Variants in TTC3 observed in about 807,000 individuals in gnomAD.
TTC3 encodes E3 ubiquitin-protein ligase TTC3.
Under a neutral mutation model 249.6 loss-of-function variants are expected in TTC3, and 180 were observed. The observed-to-expected ratio is 0.72, with a 90% confidence interval of 0.64 to 0.82. The LOEUF is 0.82. Ranked by LOEUF, TTC3 falls within the 40% of genes least tolerant of loss-of-function variation. TTC3 has a pLI of 0.00. For synonymous variants in TTC3, 717 were observed against 805.0 expected (o/e 0.89, Z 1.85); for missense variants, 2,061 against 2,398.4 (o/e 0.86, Z 2.94).
chr21:37,124,074 TA>T (rs34436589), intron 13 of TTC3, among the ~76,000 whole-genome samples: 9,960 of 148,506 alleles, frequency 0.067, 474 homozygotes, highest in Non-Finnish European at 0.1. Flanking sequence ...AGCTGATATT[TA>T]AATGTTAGAA....
rs774277323 is a variant in TTC3 at position 37,194,302 on chromosome 21, T to C, written c.5218-1373T>C. On this transcript the variant is annotated intron_variant, in intron 41 of 45. Transcript: ENST00000355666. ...CCAGAAATACATAATTCCTAAGTTT[T>C]AAATTGCACACTGTTTTGAGTAGCG... Among the ~76,000 whole-genome samples the C allele has an allele frequency of 2.0e-5, 3 of 152,192 alleles. No individual in the cohort carries two copies. The South Asian group carries it at 6.2e-4, about 31-fold the overall frequency.
chr21:37,104,876 T>C (rs1036065585), intron 10 of TTC3, among the ~76,000 whole-genome samples: 4 of 152,178 alleles, frequency 2.6e-5, no homozygotes, highest in African/African-American at 9.7e-5. Context: ...GCATTGGGCT[T>C]CTAGGAACTC....
rs192026807 is a variant in TTC3, at chr21:37,115,096, G to A, written c.900+6650G>A. Among the ~76,000 whole-genome samples, 59 of 151,762 alleles carry A rather than the reference G, an allele frequency of 3.9e-4. 1 individual carries two copies. Among genetic ancestry groups the A allele is most frequent in the Non-Finnish European group, 7.4e-4 (50 of 67,972 alleles). ...CTAATGCTAAATGACGAGTTAATGG[G>A]TGCAGCACAGCAACATGGCACATGT... On this transcript the variant is annotated intron_variant, in intron 11 of 45. Transcript: ENST00000355666.
chr21:37,088,195 G>A lies in TTC3; in HGVS notation c.188-1G>A, dbSNP rs969609355. 1 of 1,552,920 alleles carries A rather than the reference G, an allele frequency of 6.4e-7. No individual in the cohort carries two copies. ...AATTTTAAACTTTTTTTTTAATTAA[G>A]AATTTGACATCTGCAGTATATGGTG... On this transcript the variant is annotated splice_acceptor_variant, in intron 3 of 45. Coordinates refer to ENST00000355666, the Ensembl canonical transcript of TTC3. LOFTEE classifies it high-confidence loss of function.
In TTC3 at chr21:37,201,516, C is replaced by A. The variant is rs145673282; in HGVS notation, c.6020C>A (p.Pro2007His). ...CGTGATCTCCTGACAGAAGAGTCACCTTCTGGAAGAGGCTGGCCCAGTCAG... is the reference window on the plus strand; with the variant it reads ...CGTGATCTCCTGACAGAAGAGTCACATTCTGGAAGAGGCTGGCCCAGTCAG... The change falls in exon 46 of 46, where the codon CCT becomes CAT. Residue 2007 changes from proline to histidine, a missense_variant. By Grantham distance (77) the Pro-to-His change is moderately conservative (BLOSUM62 -2). Transcript: ENST00000355666. 1.1e-5 allele frequency: 17 copies of A among 1,613,998 alleles called. No individual in the cohort carries two copies. In the East Asian group the frequency reaches 3.8e-4, roughly 36 times the overall value.
At chr21:37,109,140 C>T (rs1845305371) in intron 11 of TTC3, among the ~76,000 whole-genome samples, 3 of 152,166 alleles carry the variant, frequency 2.0e-5, no homozygotes, top group African/African-American at 7.2e-5. Context: ...GTGAGCGACA[C>T]AGAAGACAGG....
chr21:37,130,451 A>G (rs2077380696), intron 16 of TTC3, among the ~76,000 whole-genome samples: 1 of 152,158 alleles, frequency 6.6e-6, no homozygotes, highest in Non-Finnish European at 1.5e-5. Context: ...ACACTCCTTT[A>G]TTAGGTAATA....
chr21:37,098,156 T>C lies in TTC3; in HGVS notation c.845+1513T>C, dbSNP rs143161585. The stretch of plus-strand genomic sequence containing the variant: ...TGACAAGAAATGAGCTGCACATGTC[T>C]TTAGGTTATTGCTACTGGCTAGGTC... On this transcript the variant is annotated intron_variant, in intron 10 of 45. Coordinates refer to ENST00000355666, the Ensembl canonical transcript of TTC3. 1.5e-4 allele frequency: 62 copies of C among 420,810 alleles called. 1 individual carries two copies. In the East Asian group the frequency reaches 2.1e-3, roughly 15 times the overall value. The allele number at this position is 420,810 out of a possible 1,614,324, so 26.1% of individuals were successfully genotyped here. A position where few individuals can be genotyped will look rare whatever the true frequency, so the allele number is the denominator to read the frequency against.
At chr21:37,182,054 C>T (rs1216494118) in intron 35 of TTC3, among the ~76,000 whole-genome samples, 6 of 152,080 alleles carry the variant, frequency 3.9e-5, no homozygotes, top group Non-Finnish European at 7.4e-5. Flanking sequence ...CTTTGATTCA[C>T]GTTTAAATTA....
At chr21:37,140,237 A>G (rs1245337441) in intron 19 of TTC3, among the ~76,000 whole-genome samples, 2 of 152,114 alleles carry the variant, frequency 1.3e-5, no homozygotes, top group Non-Finnish European at 2.9e-5. Flanking sequence ...AGCCTTTTTT[A>G]AAAAACAAAA....
chr21:37,101,924 A>ATG (rs1412921108), intron 10 of TTC3, among the ~76,000 whole-genome samples: 1 of 148,448 alleles, frequency 6.7e-6, no homozygotes, highest in East Asian at 1.9e-4. Flanking sequence ...TAGTTTATAT[A>ATG]TATATATTAG....
At position 37,195,563 on chromosome 21, in the gene TTC3, G is replaced by A. The variant is rs117819236; in HGVS notation, c.5218-112G>A. On this transcript the variant is annotated intron_variant, in intron 41 of 45. Coordinates refer to ENST00000355666, the Ensembl canonical transcript of TTC3. ...AATTCATGGTATTCAGGTTTCCTGTGCACGGAGCCTCTGCGCTGCGTTACT... is the reference window on the plus strand; with the variant it reads ...AATTCATGGTATTCAGGTTTCCTGTACACGGAGCCTCTGCGCTGCGTTACT... 11,011 of 1,416,316 alleles carry A rather than the reference G, an allele frequency of 7.8e-3. 60 individuals are homozygous for A. Among genetic ancestry groups the A allele is most frequent in the Admixed American group, 0.013 (554 of 42,578 alleles). The allele number at this position is 1,416,316 out of a possible 1,614,324, so 87.7% of individuals were successfully genotyped here.
At chr21:37,121,949 A>G (rs2076618530) in exon 12 of TTC3, 1 of 1,611,594 alleles carries the variant, frequency 6.2e-7, no homozygotes, top group Non-Finnish European at 8.5e-7. Context: ...GCAGCATGTA[A>G]AGTTACAAAA....
chr21:37,110,120 GA>G (rs2075513751), intron 11 of TTC3, among the ~76,000 whole-genome samples: 1 of 152,216 alleles, frequency 6.6e-6, no homozygotes. Context: ...AAACAGAGCA[GA>G]AAAACCTGAA....
chr21:37,164,853 A>G (rs1389567097), intron 32 of TTC3, among the ~76,000 whole-genome samples: 4 of 152,184 alleles, frequency 2.6e-5, no homozygotes, highest in Non-Finnish European at 5.9e-5. Context: ...ATAGAGTATT[A>G]ATTTAAAAGC....
At position 37,190,992 on chromosome 21, in the gene TTC3, T is replaced by TA. The variant is rs907550951; in HGVS notation, c.5025-336dup. 1.4e-4 allele frequency among the ~76,000 whole-genome samples: 22 copies of TA among 152,340 alleles called. No individual in the cohort carries two copies. The South Asian group carries it at 3.1e-3, about 22-fold the overall frequency. ...TTTTGAATGTTTCAGACTACCTTTT[T>TA]AAAAAATCTTTAAATGCAGACGCTG... On this transcript the variant is annotated intron_variant, in intron 39 of 45. Transcript: ENST00000355666.
rs746366685 is a variant in TTC3, at chr21:37,144,663, CAG to C, written c.1893+21_1893+22del. 2.3e-5 allele frequency: 37 copies of C among 1,601,340 alleles called. No homozygotes were observed. The highest frequency in any genetic ancestry group is 8.1e-5 in the African/African-American group (6 of 74,300). On this transcript the variant is annotated intron_variant, in intron 21 of 45. Coordinates refer to ENST00000355666, the Ensembl canonical transcript of TTC3. ...AAATAAAGGTAACCATTTATTTTTG[CAG>C]AGTGTTTCTTACTGTGAATGCTTAT...
chr21:37,165,734 G>T lies in TTC3; in HGVS notation c.3520G>T (p.Val1174Phe), dbSNP rs554984029. The T allele has an allele frequency of 1.1e-5, 17 of 1,613,394 alleles. No homozygotes were observed. The African/African-American group carries it at 2.0e-4, about 19-fold the overall frequency. The change falls in exon 33 of 46, where the codon GTT becomes TTT. Residue 1174 changes from valine to phenylalanine, a missense_variant. Val to Phe is a conservative substitution (Grantham distance 50). Around this residue, in one of 3 missense-constraint regions of TTC3, gnomAD observed 1,040 missense variants for 1,186.1 expected, o/e 0.88. Coordinates refer to ENST00000355666, the Ensembl canonical transcript of TTC3. ...TGACAACTGTATTGCACTGAAGAAG[G>T]TTGCATCACGGCTCAAGAAAAAAAG... is the stretch of plus-strand genomic sequence containing the variant.
chr21:37,197,932 C>T (rs759668092), exon 44 of TTC3: 21 of 1,613,996 alleles, frequency 1.3e-5, no homozygotes, highest in Admixed American at 6.7e-5. Context: ...CTGCCACCCC[C>T]GTGACCAGGT....
Sources: gnomAD v4.1 joint callset for allele counts (sites outside exome capture counted in the v4.1 genomes callset) on GRCh38, gnomAD v4.1.1 for gene constraint, gnomAD v4.1.1 regional missense constraint, MANE v1.5 for transcripts, NCBI Gene and HGNC (gene_info 2026-07-23, HGNC 2026-07-21) for gene names.